The following ABCA5 variants were observed in gnomAD, a reference collection of about 807,000 sequenced individuals.
ABCA5 encodes cholesterol transporter ABCA5.
A neutral mutation model predicts 206.0 loss-of-function variants in ABCA5; 163 were observed. That is an observed-to-expected ratio of 0.79 (90% CI 0.70 to 0.90). ABCA5 has a LOEUF of 0.90. ABCA5 is among the 40% of genes least tolerant of loss of function. ABCA5 has a pLI of 0.00. For missense variants in ABCA5, 1,859 were observed against 1,912.9 expected (o/e 0.97, Z 0.53); for synonymous variants, 609 against 613.8 (o/e 0.99, Z 0.11).
intron 24 of ABCA5, 48 bp downstream of exon 24, chr17:69,264,687 A>G (rs1456708702): frequency 7.9e-7 from 1 of 1,271,898 alleles, no homozygotes; most frequent in Non-Finnish European, 1.0e-6. Context: ...CAGATTTTAA[A>G]TAACATTCTA....
intron 28 of ABCA5, 75 bp from the exon 29 acceptor site, chr17:69,256,358 T>A: frequency 1.0e-6 from 1 of 971,214 alleles, no homozygotes; most frequent in Non-Finnish European, 1.4e-6. Context: ...AGATACTAGG[T>A]AGAGAAAAGA....
At chr17:69,281,328 T>C (rs923930843) in intron 18 of ABCA5, among the ~76,000 whole-genome samples, 4 of 151,780 alleles carry the variant, frequency 2.6e-5, no homozygotes, top group Non-Finnish European at 5.9e-5. Flanking sequence ...TAATTTTATG[T>C]AGTGGTTCAG....
intron 31 of ABCA5, 125 bp from the exon 32 acceptor site, chr17:69,254,615 AT>A: frequency 1.7e-6 from 1 of 588,504 alleles, no homozygotes; most frequent in Non-Finnish European, 2.8e-6. Context: ...GTACTCCTTT[AT>A]TGTCATTATT....
chr17:69,257,752 G>GAA (rs1447933235), intron 28 of ABCA5, among the ~76,000 whole-genome samples: 2 of 150,796 alleles, frequency 1.3e-5, no homozygotes, highest in East Asian at 3.9e-4. Context: ...GATCTAGAAA[G>GAA]GAAAGAGAAA....
intron 1 of ABCA5, among the ~76,000 whole-genome samples, chr17:69,322,730 T>C (rs186749998): frequency 3.0e-4 from 45 of 152,194 alleles, no homozygotes; most frequent in Non-Finnish European, 4.6e-4. Context: ...GAGGAGGTAC[T>C]AAATACCTGT....
intron 7 of ABCA5, among the ~76,000 whole-genome samples, chr17:69,303,822 A>ATATATG (rs1282598788): frequency 2.2e-4 from 2 of 8,916 alleles, no homozygotes; most frequent in African/African-American, 2.8e-4. Flanking sequence ...ACATATATAT[A>ATATATG]TATGTATATA....
Position 69,325,141 on chromosome 17 carries a change from C to CAA in ABCA5, c.-16+1909_-16+1910dup, listed in dbSNP as rs11320196. The stretch of plus-strand genomic sequence containing the variant: ...CAACATAGAGAGACACTGTCTCTAC[C>CAA]AAAAAAAAAAAAAAAAAAATAGCCA... On this transcript the variant is annotated intron_variant, in intron 1 of 38. Coordinates refer to ENST00000392676, the MANE Select transcript of ABCA5 (RefSeq NM_172232.4). 3.6e-3 allele frequency among the ~76,000 whole-genome samples: 430 copies of CAA among 118,050 alleles called. 1 individual carries two copies. The highest frequency in any genetic ancestry group is 8.9e-3 in the African/African-American group (277 of 31,080). 77.4% of individuals were successfully genotyped at this position (118,050 alleles called of 152,430 possible).
chr17:69,324,345 C>CTTGACTT (rs2075884429), intron 1 of ABCA5, among the ~76,000 whole-genome samples: 1 of 152,160 alleles, frequency 6.6e-6, no homozygotes, highest in Non-Finnish European at 1.5e-5. Context: ...AACAAAAGGG[C>CTTGACTT]TTGACTTTTG....
intron 1 of ABCA5, among the ~76,000 whole-genome samples, chr17:69,321,458 T>A (rs543732741): frequency 6.6e-6 from 1 of 152,218 alleles, no homozygotes. Context: ...GAGCTATACA[T>A]TTCCTCTTTC....
At chr17:69,301,521 T>G (rs2075652236) in intron 8 of ABCA5, among the ~76,000 whole-genome samples, 1 of 152,150 alleles carries the variant, frequency 6.6e-6, no homozygotes, top group African/African-American at 2.4e-5. Flanking sequence ...ATGTTGTGCT[T>G]CTTTAACTGG....
At chr17:69,283,057 G>A (rs955951574) in intron 18 of ABCA5, among the ~76,000 whole-genome samples, 1 of 146,108 alleles carries the variant, frequency 6.8e-6, no homozygotes, top group Non-Finnish European at 1.5e-5. Flanking sequence ...TGCAATCATG[G>A]CTCACTGCAG....
At chr17:69,282,498 C>T (rs2075404887) in intron 18 of ABCA5, among the ~76,000 whole-genome samples, 1 of 152,196 alleles carries the variant, frequency 6.6e-6, no homozygotes, top group Non-Finnish European at 1.5e-5. Context: ...CGGCCGGGCG[C>T]AGTGGCTTAC....
In ABCA5 at chr17:69,285,937, C is replaced by A; in HGVS notation, c.2233G>T (p.Val745Leu). The change falls in exon 17 of 39, where the codon GTG (valine) becomes TTG (leucine). Residue 745 changes from valine to leucine, a missense_variant. Val to Leu is a conservative substitution (Grantham distance 32). Transcript: ENST00000392676. ...TLLQQNDQQL[V>L]YSLPFKDMDK... The stretch of plus-strand genomic sequence containing the variant: ...ATGTCCTTGAAAGGCAAGCTATACA[C>A]AAGTTGTTGGTCATTCTGTTGTAAT... The A allele has an allele frequency of 6.2e-7, 1 of 1,613,070 alleles. No individual in the cohort carries two copies. Among genetic ancestry groups the A allele is most frequent in the Non-Finnish European group, 8.5e-7 (1 of 1,179,478 alleles).
At chr17:69,313,757 G>A (rs541081496) in intron 2 of ABCA5, among the ~76,000 whole-genome samples, 22 of 151,982 alleles carry the variant, frequency 1.4e-4, no homozygotes, top group Non-Finnish European at 2.1e-4. Context: ...TAAATTCTAC[G>A]GTCAGTTTTA....
chr17:69,275,787 C>T (rs2075324981), intron 19 of ABCA5, among the ~76,000 whole-genome samples: 1 of 152,224 alleles, frequency 6.6e-6, no homozygotes, highest in African/African-American at 2.4e-5. Context: ...GGAAATGGGA[C>T]TTCGGAAAGG....
In ABCA5 at chr17:69,246,381, A is replaced by T. The variant is rs1295036940; in HGVS notation, c.*1156T>A. On this transcript the variant is annotated 3_prime_UTR_variant, in exon 39 of 39. Coordinates refer to ENST00000392676, the MANE Select transcript of ABCA5 (RefSeq NM_172232.4). ...CAACTAGCATTATTTACACTATTTT[A>T]TACCTTGAGCCAATACATGGGTTGT... 9 of 149,916 alleles carry T rather than the reference A, an allele frequency of 6.0e-5. No homozygotes were observed. Among genetic ancestry groups the T allele is most frequent in the Non-Finnish European group, 1.3e-4 (9 of 66,954 alleles). 9.3% of individuals were successfully genotyped at this position (149,916 alleles called of 1,614,324 possible). A position where few individuals can be genotyped will look rare whatever the true frequency, so the allele number is the denominator to read the frequency against.
chr17:69,283,994 A>T lies in ABCA5; in HGVS notation c.2351T>A (p.Val784Glu), dbSNP rs2075424422. 1.9e-6 allele frequency: 3 copies of T among 1,608,122 alleles called. No individual in the cohort carries two copies. The highest frequency in any genetic ancestry group is 2.5e-6 in the Non-Finnish European group (3 of 1,177,502). ...TGCTTCAACTTCTAGCTTTAAAAAT[A>T]CGTCTTCCAAAGTCGTCATGGAAAC... ...YGVSMTTLEDVFLKLEVEAEI... is the reference protein window; with the variant it reads ...YGVSMTTLEDEFLKLEVEAEI... Residue 784 changes from valine to glutamate, a missense_variant, in exon 18 of 39, where the codon GTA becomes GAA. Val to Glu is a moderately radical substitution (Grantham distance 121). Transcript: ENST00000392676.
In ABCA5 at chr17:69,244,344, T is replaced by A. The variant is rs541181881; in HGVS notation, c.*3193A>T. ...CCAGGTTTTTGCATCATTTTTAATA[T>A]GAGCTACTCATTATTCAATTATCAG... On this transcript the variant is annotated 3_prime_UTR_variant, in exon 39 of 39. Transcript: ENST00000392676. 6.6e-6 allele frequency: 1 copy of A among 152,114 alleles called. No individual in the cohort carries two copies. The allele number at this position is 152,114 out of a possible 1,614,324, so 9.4% of individuals were successfully genotyped here.
intron 20 of ABCA5, among the ~76,000 whole-genome samples, chr17:69,272,967 G>C (rs1220766607): frequency 6.6e-6 from 1 of 152,170 alleles, no homozygotes; most frequent in East Asian, 1.9e-4. Context: ...AAACCCCAAA[G>C]AGTCTGCTAC....
Sources: gnomAD v4.1 joint callset for allele counts (sites outside exome capture counted in the v4.1 genomes callset) on GRCh38, gnomAD v4.1.1 for gene constraint, MANE v1.5 for transcripts, NCBI Gene and HGNC (gene_info 2026-07-23, HGNC 2026-07-21) for gene names.